ANO2: variants seen among roughly 807,000 people sequenced by gnomAD.
ANO2 encodes the protein anoctamin-2.
ANO2 carries 101 observed loss-of-function variants against 124.2 expected under a neutral mutation model. The ratio of observed to expected loss-of-function variants is 0.81; its 90% confidence interval spans 0.69 to 0.96. The LOEUF is 0.96. Ranked by LOEUF, ANO2 falls within the 40% of genes least tolerant of loss-of-function variation. The pLI, the probability that ANO2 is intolerant of heterozygous loss-of-function variation, is 0.00. For synonymous variants in ANO2, 486 were observed against 482.5 expected, an observed-to-expected ratio of 1.01 and a Z score of -0.09; for missense variants, 1,293 against 1,274.5, an observed-to-expected ratio of 1.01 and a Z score of -0.22.
chr12:5,583,918 A>T (rs1188010929), intron 20 of ANO2: 1 of 221,594 alleles, frequency 4.5e-6, no homozygotes, highest in Admixed American at 4.6e-5. Context: ...ACCACCACAG[A>T]GTGTGCCAGC....
intron 1 of ANO2, among the ~76,000 whole-genome samples, chr12:5,937,631 C>G (rs1942707116): frequency 6.6e-6 from 1 of 151,770 alleles, no homozygotes; most frequent in African/African-American, 2.4e-5. Context: ...ATCTTCCTAT[C>G]GAGGGGGTTG....
chr12:5,608,909 G>T (rs1266904844), intron 19 of ANO2: 1 of 152,140 alleles, frequency 6.6e-6, no homozygotes, highest in East Asian at 1.9e-4. Context: ...AGATGACCAG[G>T]GATGAAAGCT....
intron 14 of ANO2, among the ~76,000 whole-genome samples, chr12:5,711,637 A>C (rs1422853255): frequency 6.6e-6 from 1 of 152,194 alleles, no homozygotes; most frequent in East Asian, 1.9e-4. Context: ...TTTGAAATCC[A>C]AGCTCTCATT....
chr12:5,740,186 T>C (rs928032606), intron 12 of ANO2: 1 of 332,606 alleles, frequency 3.0e-6, no homozygotes, highest in Non-Finnish European at 5.9e-6. Flanking sequence ...CAGGGCCTGC[T>C]GATAGAGCAC....
At chr12:5,644,869 G>A (rs1017455385) in intron 15 of ANO2, among the ~76,000 whole-genome samples, 8 of 152,174 alleles carry the variant, frequency 5.3e-5, no homozygotes, top group African/African-American at 1.4e-4. Context: ...TTTTCAGCAC[G>A]TGAAGAGGGC....
intron 17 of ANO2, among the ~76,000 whole-genome samples, chr12:5,614,959 C>T (rs1944725764): frequency 6.6e-6 from 1 of 152,180 alleles, no homozygotes; most frequent in Non-Finnish European, 1.5e-5. Context: ...CTTCAGGGAC[C>T]ACAGCCAAAT....
chr12:5,767,709 G>T (rs915047267), intron 10 of ANO2, among the ~76,000 whole-genome samples: 1 of 152,120 alleles, frequency 6.6e-6, no homozygotes. Context: ...TTCAAGACTC[G>T]AGCTACTTGT....
intron 11 of ANO2, among the ~76,000 whole-genome samples, chr12:5,749,995 A>G (rs547062976): frequency 5.3e-5 from 8 of 152,080 alleles, no homozygotes; most frequent in Admixed American, 5.2e-4. Context: ...GGCACAATCA[A>G]TCACAGCTCA....
At chr12:5,740,756 C>T (rs1180626707) in intron 12 of ANO2, 1 of 152,208 alleles carries the variant, frequency 6.6e-6, no homozygotes, top group Admixed American at 6.5e-5. Context: ...TCAATGGCTC[C>T]TTACAGTCTA....
chr12:5,874,974 C>T (rs925150211), intron 3 of ANO2, among the ~76,000 whole-genome samples: 1 of 152,130 alleles, frequency 6.6e-6, no homozygotes, highest in East Asian at 1.9e-4. Context: ...ATTTTATTTA[C>T]AAAAGTAGGT....
chr12:5,844,839 G>GTGTT (rs6144597), intron 4 of ANO2, among the ~76,000 whole-genome samples: 59,694 of 150,780 alleles, frequency 0.4, 12,071 homozygotes, highest in South Asian at 0.46. Context: ...CAGTTTTTGT[G>GTGTT]TGTTTGTTTG....
chr12:5,638,706 C>T, intron 15 of ANO2, among the ~76,000 whole-genome samples: 1 of 152,022 alleles, frequency 6.6e-6, no homozygotes, highest in Non-Finnish European at 1.5e-5. Flanking sequence ...GCAGCGCCTC[C>T]CGTAGAACTG....
At chr12:5,723,990 C>A (rs11063837) in intron 14 of ANO2, among the ~76,000 whole-genome samples, 20,788 of 151,908 alleles carry the variant, frequency 0.14, 1,614 homozygotes, top group Admixed American at 0.22. Flanking sequence ...TGGGACAGAA[C>A]CCAGGCCATT....
At position 5,634,074 on chromosome 12, in the gene ANO2, C is replaced by A. The variant is rs374469139; in HGVS notation, c.1816+1078G>T. Among the ~76,000 whole-genome samples, 15 of 152,294 alleles carry A rather than the reference C, an allele frequency of 9.8e-5. 2 individuals are homozygous for A. Among genetic ancestry groups the A allele is most frequent in the South Asian group, 2.1e-4 (1 of 4,826 alleles). ...TCATTAAATATGCTGAATTAAAATT[C>A]TCTGCTTATTTTTCTCAAGATGCTT... On this transcript the variant is annotated intron_variant, in intron 16 of 24. Coordinates refer to ENST00000682330, the MANE Select transcript of ANO2 (RefSeq NM_001364791.2).
chr12:5,624,460 A>G (rs1945295245), intron 16 of ANO2, among the ~76,000 whole-genome samples: 1 of 152,120 alleles, frequency 6.6e-6, no homozygotes. Flanking sequence ...GTCCCTGATC[A>G]CAGACACCCC....
At position 5,925,740 on chromosome 12, in the gene ANO2, C is replaced by T. The variant is rs1942051309; in HGVS notation, c.23-2936G>A. Among the ~76,000 whole-genome samples the T allele has an allele frequency of 6.6e-6, 1 of 152,232 alleles. No homozygotes were observed. Among genetic ancestry groups the T allele is most frequent in the African/African-American group, 2.4e-5 (1 of 41,464 alleles). Reference sequence around the variant, plus strand: ...CACCGTTGCCTTGGCTCTCCTTCCACGCTGCCTTGAACAACAGATCCTTGG... The same window carrying T: ...CACCGTTGCCTTGGCTCTCCTTCCATGCTGCCTTGAACAACAGATCCTTGG... On this transcript the variant is annotated intron_variant, in intron 1 of 24. Coordinates refer to ENST00000682330, the MANE Select transcript of ANO2 (RefSeq NM_001364791.2). The surrounding 1 kb of genome is among the most constrained non-coding windows in gnomAD (Gnocchi z 4.6).
intron 10 of ANO2, among the ~76,000 whole-genome samples, chr12:5,751,376 A>G (rs891144318): frequency 1.3e-5 from 2 of 152,258 alleles, no homozygotes; most frequent in Non-Finnish European, 2.9e-5. Context: ...TAGCTTATTT[A>G]AACAAAACAC....
chr12:5,733,298 A>T (rs144850078), intron 13 of ANO2: 1 of 272,800 alleles, frequency 3.7e-6, no homozygotes, highest in African/African-American at 2.1e-5. Flanking sequence ...CTGAGTTGTG[A>T]GTCACCAGGC....
rs76227014 is a variant in ANO2 at position 5,636,213 on chromosome 12, C to T, written c.1621-866G>A. Among the ~76,000 whole-genome samples the T allele has an allele frequency of 0.057, 8,669 of 152,152 alleles. 773 individuals are homozygous for T. The highest frequency in any genetic ancestry group is 0.2 in the African/African-American group (8,088 of 41,450). ...AAGAATAAGAAGGGACTCTCTTAGACCTAGATCTGCCCAACAGCCCCTCTT... is the reference window on the plus strand; with the variant it reads ...AAGAATAAGAAGGGACTCTCTTAGATCTAGATCTGCCCAACAGCCCCTCTT... On this transcript the variant is annotated intron_variant, in intron 15 of 24. Coordinates refer to ENST00000682330, the MANE Select transcript of ANO2 (RefSeq NM_001364791.2). The surrounding 1 kb of genome is among the most constrained non-coding windows in gnomAD (Gnocchi z 4.6).
Sources: gnomAD v4.1 joint callset for allele counts (sites outside exome capture counted in the v4.1 genomes callset) on GRCh38, gnomAD v4.1.1 for gene constraint, Gnocchi (gnomAD v3.1) non-coding constraint, MANE v1.5 for transcripts, NCBI Gene and HGNC (gene_info 2026-07-23, HGNC 2026-07-21) for gene names.